PPA2: variants seen among roughly 807,000 people sequenced by gnomAD.
The protein encoded by PPA2 is inorganic pyrophosphatase 2.
A neutral mutation model predicts 49.5 loss-of-function variants in PPA2; 48 were observed. The observed-to-expected ratio is 0.97, with a 90% confidence interval of 0.77 to 1.23. PPA2 has a LOEUF of 1.23. PPA2 is among the 50% of genes most tolerant of loss of function. The pLI is 0.00. For missense variants in PPA2, 429 were observed against 410.1 expected (o/e 1.05, Z -0.40); for synonymous variants, 131 against 139.9 (o/e 0.94, Z 0.45).
intron 1 of PPA2, among the ~76,000 whole-genome samples, chr4:105,468,194 C>T (rs574105334): frequency 1.3e-5 from 2 of 152,284 alleles, no homozygotes; most frequent in South Asian, 2.1e-4. Context: ...CTGAATGGTT[C>T]GCAAAACCTA....
In PPA2 at chr4:105,369,505, G is replaced by A. The variant is rs754122886; in HGVS notation, c.*220C>T. 233 of 498,336 alleles carry A rather than the reference G, an allele frequency of 4.7e-4. No individual in the cohort carries two copies. Among genetic ancestry groups the A allele is most frequent in the Non-Finnish European group, 7.6e-4 (213 of 280,272 alleles). The allele number at this position is 498,336 out of a possible 1,614,324, so 30.9% of individuals were successfully genotyped here. A position where few individuals can be genotyped will look rare whatever the true frequency, so the allele number is the denominator to read the frequency against. On this transcript the variant is annotated 3_prime_UTR_variant, in exon 12 of 12. Coordinates refer to ENST00000341695, the MANE Select transcript of PPA2 (RefSeq NM_176869.3). The stretch of plus-strand genomic sequence containing the variant: ...CCCAAAGTGCTGAAATTACAGGCAT[G>A]AGCCACCGTGCCTGGCCAAAATCTT...
At chr4:105,470,535 C>A (rs558630892) in intron 1 of PPA2, among the ~76,000 whole-genome samples, 7 of 152,252 alleles carry the variant, frequency 4.6e-5, no homozygotes, top group African/African-American at 1.7e-4. Context: ...TAAACAACAA[C>A]AACAAAAAAC....
At chr4:105,453,271 C>T (rs1021556673) in intron 3 of PPA2, among the ~76,000 whole-genome samples, 2 of 152,044 alleles carry the variant, frequency 1.3e-5, no homozygotes, top group African/African-American at 4.8e-5. Context: ...AGTTGCTCAA[C>T]GTGTAGAGTT....
intron 4 of PPA2, among the ~76,000 whole-genome samples, chr4:105,447,531 C>G (rs894061806): frequency 1.3e-5 from 2 of 151,990 alleles, no homozygotes; most frequent in African/African-American, 4.8e-5. Context: ...TTCAAATGTT[C>G]TCACCACAAA....
chr4:105,463,908 G>C (rs556782573), intron 1 of PPA2, among the ~76,000 whole-genome samples: 3 of 152,344 alleles, frequency 2.0e-5, no homozygotes, highest in African/African-American at 7.2e-5. Context: ...TGCAGTGGCA[G>C]GGCCCTCATG....
chr4:105,438,426 C>A (rs1213433529), intron 5 of PPA2, among the ~76,000 whole-genome samples: 1 of 152,210 alleles, frequency 6.6e-6, no homozygotes, highest in Admixed American at 6.5e-5. Flanking sequence ...TCACCGCTTC[C>A]TTTGACCCGG....
At chr4:105,471,780 T>C (rs1477933132) in intron 1 of PPA2, among the ~76,000 whole-genome samples, 2 of 152,138 alleles carry the variant, frequency 1.3e-5, no homozygotes, top group Non-Finnish European at 2.9e-5. Context: ...TGGCGGTTAG[T>C]TCAGAAATTG....
chr4:105,452,524 T>C (rs1722715923), intron 3 of PPA2, among the ~76,000 whole-genome samples: 1 of 152,206 alleles, frequency 6.6e-6, no homozygotes, highest in Non-Finnish European at 1.5e-5. Flanking sequence ...ACAAGCACTC[T>C]AAGTGGTTCC....
chr4:105,413,715 A>C (rs1722868797), intron 7 of PPA2, among the ~76,000 whole-genome samples: 2 of 152,218 alleles, frequency 1.3e-5, no homozygotes, highest in Non-Finnish European at 2.9e-5. Flanking sequence ...GTGTTAGAAA[A>C]ATTGTATACA....
At chr4:105,457,606 T>C (rs1228731192) in intron 1 of PPA2, among the ~76,000 whole-genome samples, 2 of 152,142 alleles carry the variant, frequency 1.3e-5, no homozygotes, top group African/African-American at 2.4e-5. Flanking sequence ...TCTTCTTTTT[T>C]TTTGAGACAG....
intron 4 of PPA2, among the ~76,000 whole-genome samples, chr4:105,447,111 A>C (rs180917960): frequency 3.0e-3 from 453 of 152,286 alleles, no homozygotes; most frequent in African/African-American, 0.011. Flanking sequence ...TCCATCAAAA[A>C]ACATTGGAAA....
intron 7 of PPA2, among the ~76,000 whole-genome samples, chr4:105,404,838 T>C (rs1346652638): frequency 6.6e-6 from 1 of 152,106 alleles, no homozygotes; most frequent in African/African-American, 2.4e-5. Flanking sequence ...TCCCAGCACT[T>C]TGGGAGGCCG....
rs138771463 is a variant in PPA2, at chr4:105,405,503, A to G, written c.656-6339T>C. On this transcript the variant is annotated intron_variant, in intron 7 of 11. Coordinates refer to ENST00000341695, the MANE Select transcript of PPA2 (RefSeq NM_176869.3). ...CCTCTTTTAAACATTTGGAATGGAGAGGGAATATATAAATAGAATTACTTG... is the reference window on the plus strand; with the variant it reads ...CCTCTTTTAAACATTTGGAATGGAGGGGGAATATATAAATAGAATTACTTG... 2.4e-5 allele frequency: 22 copies of G among 918,860 alleles called. No homozygotes were observed. The African/African-American group carries it at 3.8e-4, about 16-fold the overall frequency. 56.9% of individuals were successfully genotyped at this position (918,860 alleles called of 1,614,324 possible).
intron 10 of PPA2, among the ~76,000 whole-genome samples, chr4:105,372,409 A>G (rs555723246): frequency 6.6e-6 from 1 of 152,352 alleles, no homozygotes; most frequent in Admixed American, 6.5e-5. Flanking sequence ...CCACTCCACC[A>G]GAAGAAAGAT....
intron 9 of PPA2, among the ~76,000 whole-genome samples, chr4:105,389,637 TA>T (rs942420898): frequency 5.9e-5 from 9 of 151,616 alleles, no homozygotes; most frequent in African/African-American, 2.2e-4. Flanking sequence ...AAATTACATA[TA>T]AAAATAATAA....
rs1017169129 is a variant in PPA2, at chr4:105,459,063, A to G, written c.158-2318T>C. On this transcript the variant is annotated intron_variant, in intron 1 of 11. Coordinates refer to ENST00000341695, the MANE Select transcript of PPA2 (RefSeq NM_176869.3). ...CATCCAATATATACTTGCTGAGCAA[A>G]TATCTGTTAGATAAATGTCTCTATT... is the stretch of plus-strand genomic sequence containing the variant. Among the ~76,000 whole-genome samples the G allele has an allele frequency of 5.9e-5, 9 of 152,164 alleles. No individual in the cohort carries two copies. The East Asian group carries it at 1.7e-3, about 29-fold the overall frequency.
At chr4:105,423,718 T>A (rs1352416469) in intron 7 of PPA2, among the ~76,000 whole-genome samples, 4 of 152,202 alleles carry the variant, frequency 2.6e-5, no homozygotes, top group African/African-American at 9.6e-5. Context: ...GGGCAGTTAC[T>A]TTTCCCTTCA....
intron 10 of PPA2, among the ~76,000 whole-genome samples, chr4:105,375,915 A>C (rs753989478): frequency 2.6e-4 from 39 of 152,188 alleles, no homozygotes; most frequent in Non-Finnish European, 5.4e-4. Flanking sequence ...ATATTAATTA[A>C]TTGGTTATTT....
intron 3 of PPA2, 73 bp downstream of exon 3, chr4:105,453,525 A>G (rs1466792843): frequency 8.6e-7 from 1 of 1,163,168 alleles, no homozygotes; most frequent in African/African-American, 1.6e-5. Context: ...CATTTTACAA[A>G]TGCAAACTAT....
Sources: gnomAD v4.1 joint callset for allele counts (sites outside exome capture counted in the v4.1 genomes callset) on GRCh38, gnomAD v4.1.1 for gene constraint, MANE v1.5 for transcripts, NCBI Gene and HGNC (gene_info 2026-07-23, HGNC 2026-07-21) for gene names.